AKAP9: variants seen among roughly 807,000 people sequenced by gnomAD.
AKAP9 encodes A-kinase anchoring protein 9.
AKAP9 carries 311 observed loss-of-function variants against 488.5 expected under a neutral mutation model. That is an observed-to-expected ratio of 0.64 (90% CI 0.58 to 0.70). The LOEUF is 0.70. AKAP9 is among the 30% of genes least tolerant of loss of function. The pLI is 0.00. For missense variants in AKAP9, 4,215 were observed against 4,374.5 expected (o/e 0.96, Z 1.03); for synonymous variants, 1,462 against 1,483.5 (o/e 0.99, Z 0.33).
At position 92,083,267 on chromosome 7, in the gene AKAP9, A is replaced by T. The variant is rs753335214; in HGVS notation, c.8258A>T (p.Glu2753Val). The change falls in exon 33 of 50, where the codon GAA (glutamate) becomes GTA (valine). Residue 2753 changes from glutamate (E) to valine (V), a missense_variant. Around this residue, in one of 5 missense-constraint regions of AKAP9, gnomAD observed 1,476 missense variants for 1,477.4 expected, o/e 1.00. Transcript: ENST00000356239. ...GAGAAATTGTCCATTTTAGAAAAAG[A>T]AGATGAGACTGAGGTACAAGAAAGC... is the stretch of plus-strand genomic sequence containing the variant. ...AKEKLSILEK[E>V]DETEVQESKK... 31 of 1,614,148 alleles carry T rather than the reference A, an allele frequency of 1.9e-5. No individual in the cohort carries two copies. Among genetic ancestry groups the T allele is most frequent in the Non-Finnish European group, 2.6e-5 (31 of 1,180,006 alleles).
intron 1 of AKAP9, among the ~76,000 whole-genome samples, chr7:91,942,227 C>T (rs983718635): frequency 1.3e-5 from 2 of 151,970 alleles, no homozygotes; most frequent in African/African-American, 4.8e-5. Flanking sequence ...ACAAAGGAAA[C>T]CAGGTTAGTG....
intron 14 of AKAP9, among the ~76,000 whole-genome samples, chr7:92,026,124 G>A (rs1460908195): frequency 1.3e-5 from 2 of 152,150 alleles, no homozygotes; most frequent in Non-Finnish European, 2.9e-5. Context: ...ACTCTGTGTT[G>A]CTTGAGCCTA....
At chr7:92,083,137 G>C (rs1368288458) in intron 32 of AKAP9, 33 bp from the exon 33 acceptor site, 1 of 1,606,912 alleles carries the variant, frequency 6.2e-7, no homozygotes, top group Non-Finnish European at 8.5e-7. Flanking sequence ...GATTTTAACT[G>C]AATGCCCTAC....
chr7:92,040,305 A>G (rs529339673), intron 17 of AKAP9, among the ~76,000 whole-genome samples: 109 of 152,282 alleles, frequency 7.2e-4, no homozygotes, highest in Non-Finnish European at 1.4e-3. Context: ...TAAATATTCC[A>G]TGGATATTAT....
intron 41 of AKAP9, 57 bp downstream of exon 41, chr7:92,097,414 C>A: frequency 6.3e-7 from 1 of 1,582,314 alleles, no homozygotes; most frequent in Non-Finnish European, 8.6e-7. Flanking sequence ...GCCCTTTGAT[C>A]ATTAAATTTT....
intron 28 of AKAP9, among the ~76,000 whole-genome samples, chr7:92,071,507 C>T (rs1490023646): frequency 6.6e-6 from 1 of 151,426 alleles, no homozygotes; most frequent in African/African-American, 2.4e-5. Flanking sequence ...AGCAATTAAG[C>T]AATTATATAA....
intron 9 of AKAP9, among the ~76,000 whole-genome samples, chr7:92,013,102 C>T (rs934588254): frequency 2.0e-5 from 3 of 146,742 alleles, no homozygotes; most frequent in Admixed American, 6.9e-5. Context: ...CGCCATTCTC[C>T]TGCCTCAGCC....
intron 24 of AKAP9, among the ~76,000 whole-genome samples, chr7:92,063,018 T>A (rs1810154560): frequency 6.6e-6 from 1 of 152,162 alleles, no homozygotes; most frequent in Admixed American, 6.6e-5. Context: ...TTAAATAAGA[T>A]ATTAAGTAAT....
chr7:91,984,696 C>T (rs1045069418), intron 3 of AKAP9, among the ~76,000 whole-genome samples: 2 of 152,068 alleles, frequency 1.3e-5, no homozygotes, highest in African/African-American at 4.8e-5. Flanking sequence ...ATGGGGATGG[C>T]ATTCGATCTA....
At chr7:92,047,153 G>A (rs1807142161) in intron 21 of AKAP9, among the ~76,000 whole-genome samples, 1 of 152,140 alleles carries the variant, frequency 6.6e-6, no homozygotes, top group Non-Finnish European at 1.5e-5. Context: ...TCTTGCATAA[G>A]TGTATCTAAA....
intron 2 of AKAP9, among the ~76,000 whole-genome samples, chr7:91,975,923 TTG>T (rs61195499): frequency 0.32 from 43,460 of 135,510 alleles, 6,448 homozygotes; most frequent in Non-Finnish European, 0.35. Flanking sequence ...GTTTGTTTGT[TTG>T]TTTTTTTTTT....
chr7:92,026,419 C>T (rs997036160), intron 14 of AKAP9, among the ~76,000 whole-genome samples: 2 of 152,150 alleles, frequency 1.3e-5, no homozygotes, highest in Non-Finnish European at 2.9e-5. Context: ...GCTGCAACCT[C>T]CCTGCCTCGG....
chr7:92,034,337 G>A (rs1307528371), intron 16 of AKAP9, among the ~76,000 whole-genome samples: 1 of 151,852 alleles, frequency 6.6e-6, no homozygotes, highest in African/African-American at 2.4e-5. Context: ...CCATATTCAT[G>A]GTGAAATATT....
intron 15 of AKAP9, 35 bp downstream of exon 15, chr7:92,030,026 A>G (rs770308428): frequency 8.2e-6 from 11 of 1,343,814 alleles, no homozygotes; most frequent in Non-Finnish European, 1.2e-5. Context: ...TTTAACTGTT[A>G]TATACACTGA....
At chr7:91,992,684 A>G in intron 4 of AKAP9, among the ~76,000 whole-genome samples, 1 of 151,680 alleles carries the variant, frequency 6.6e-6, no homozygotes, top group African/African-American at 2.4e-5. Context: ...AAAAAAAAAA[A>G]ACTCAATTGT....
chr7:92,011,837 G>T (rs1316392583), intron 8 of AKAP9, among the ~76,000 whole-genome samples: 1 of 152,194 alleles, frequency 6.6e-6, no homozygotes, highest in Non-Finnish European at 1.5e-5. Context: ...TAGTAGGCAG[G>T]GTGCGGTGGC....
In AKAP9 at chr7:91,943,034, TA is replaced by T. The variant is rs35537409; in HGVS notation, c.48+1899del. Among the ~76,000 whole-genome samples the T allele has an allele frequency of 1.0e-3, 142 of 142,626 alleles. 1 individual carries two copies. The highest frequency in any genetic ancestry group is 2.4e-3 in the African/African-American group (93 of 38,796). The allele number at this position is 142,626 out of a possible 152,430, so 93.6% of individuals were successfully genotyped here. A position where few individuals can be genotyped will look rare whatever the true frequency, so the allele number is the denominator to read the frequency against. ...TAGTGAGACTCTACAAAAAATTAAA[TA>T]AAAAAAAAAAATAGCAGGGCATGGT... On this transcript the variant is annotated intron_variant, in intron 1 of 49. Coordinates refer to ENST00000356239, the MANE Select transcript of AKAP9 (RefSeq NM_005751.5).
At chr7:91,983,190 A>G (rs1187017821) in intron 3 of AKAP9, among the ~76,000 whole-genome samples, 2 of 151,960 alleles carry the variant, frequency 1.3e-5, no homozygotes, top group Non-Finnish European at 2.9e-5. Context: ...TCCTAATGCT[A>G]TCCCTCCTCC....
chr7:92,019,728 C>T (rs1021541655), intron 12 of AKAP9, among the ~76,000 whole-genome samples: 43 of 151,592 alleles, frequency 2.8e-4, no homozygotes, highest in Non-Finnish European at 4.7e-4. Context: ...AAATGTAAGG[C>T]CGGGCATGGT....
Sources: allele counts gnomAD v4.1 joint callset (sites outside exome capture counted in the v4.1 genomes callset), GRCh38; gene constraint gnomAD v4.1.1; regional missense constraint gnomAD v4.1.1; transcripts MANE v1.5; gene names NCBI Gene and HGNC (gene_info 2026-07-23, HGNC 2026-07-21).